Variants in SEMA6D observed in about 807,000 individuals in gnomAD.
SEMA6D encodes the protein semaphorin 6D.
Under a neutral mutation model 106.6 loss-of-function variants are expected in SEMA6D, and 35 were observed. The ratio of observed to expected loss-of-function variants is 0.33; its 90% CI spans 0.25 to 0.44. The LOEUF (loss-of-function observed/expected upper bound fraction) is 0.44. Among genes scored for constraint, SEMA6D ranks in the 20% least tolerant of loss-of-function variants. The probability of loss-of-function intolerance (pLI) is 1.00; values close to 1 mark genes in which losing one functional copy is unlikely to be tolerated. For missense variants in SEMA6D, 1,185 were observed against 1,345.9 expected (o/e 0.88, Z 1.87); for synonymous variants, 499 against 487.7 (o/e 1.02, Z -0.31).
intron 4 of SEMA6D, among the ~76,000 whole-genome samples, chr15:47,693,474 G>A (rs2078632222): frequency 6.6e-6 from 1 of 152,070 alleles, no homozygotes; most frequent in South Asian, 2.1e-4. Context: ...CTAAATATAT[G>A]AAAGTGAAAG....
At position 47,458,129 on chromosome 15, in the gene SEMA6D, A is replaced by G. The variant is rs184022497; in HGVS notation, c.-158-12345A>G. ...GAAATCTAGATCTATACAAAGTAAT[A>G]AATAACACTGAGAATGTTAAAATTG... On this transcript the variant is annotated intron_variant, in intron 2 of 19. Coordinates refer to the SEMA6D transcript ENST00000558014. 1.5e-3 allele frequency among the ~76,000 whole-genome samples: 223 copies of G among 152,130 alleles called. 1 individual carries two copies. Among genetic ancestry groups the G allele is most frequent in the Non-Finnish European group, 2.5e-3 (171 of 67,932 alleles).
At chr15:47,354,207 A>G (rs1196482316) in intron 1 of SEMA6D, among the ~76,000 whole-genome samples, 3 of 48,224 alleles carry the variant, frequency 6.2e-5, no homozygotes, top group African/African-American at 1.1e-4. Context: ...CTCTATATAT[A>G]TATATATATA....
At chr15:47,732,468 A>G (rs1318749370) in intron 1 of SEMA6D, among the ~76,000 whole-genome samples, 1 of 152,124 alleles carries the variant, frequency 6.6e-6, no homozygotes, top group African/African-American at 2.4e-5. Flanking sequence ...CCGGGCTCTC[A>G]TTGGATAACA....
intron 4 of SEMA6D, among the ~76,000 whole-genome samples, chr15:47,608,590 T>C (rs2076830480): frequency 1.3e-5 from 2 of 152,166 alleles, no homozygotes; most frequent in African/African-American, 4.8e-5. Context: ...TTTCAAGAAC[T>C]CATAAGCATC....
intron 1 of SEMA6D, among the ~76,000 whole-genome samples, chr15:47,378,206 A>C (rs2039515361): frequency 6.6e-6 from 1 of 152,072 alleles, no homozygotes; most frequent in African/African-American, 2.4e-5. Flanking sequence ...TCAATGTTGA[A>C]GATTGAAAGG....
At chr15:47,356,301 G>C (rs904119076) in intron 1 of SEMA6D, among the ~76,000 whole-genome samples, 8 of 152,180 alleles carry the variant, frequency 5.3e-5, no homozygotes, top group Non-Finnish European at 1.0e-4. Context: ...GAATGAGTAA[G>C]ACAAGAGCTC....
At chr15:47,344,973 C>T (rs1339026329) in intron 1 of SEMA6D, among the ~76,000 whole-genome samples, 1 of 152,096 alleles carries the variant, frequency 6.6e-6, no homozygotes, top group Non-Finnish European at 1.5e-5. Context: ...AAAATGTGCA[C>T]TTCGGAATAA....
At chr15:47,567,142 C>T (rs951147840) in intron 3 of SEMA6D, among the ~76,000 whole-genome samples, 2 of 152,170 alleles carry the variant, frequency 1.3e-5, no homozygotes, top group Non-Finnish European at 2.9e-5. Flanking sequence ...GAGAATTTCC[C>T]ATTGAAGAGT....
intron 1 of SEMA6D, among the ~76,000 whole-genome samples, chr15:47,195,352 C>T (rs1047081058): frequency 1.3e-5 from 2 of 151,936 alleles, no homozygotes; most frequent in African/African-American, 4.8e-5. Context: ...TTATCTCTGC[C>T]CAGATAAGTC....
At chr15:47,198,664 A>AT (rs886102192) in intron 1 of SEMA6D, among the ~76,000 whole-genome samples, 6 of 151,756 alleles carry the variant, frequency 4.0e-5, no homozygotes, top group East Asian at 3.9e-4. Flanking sequence ...ATTGGATGAG[A>AT]TTTTTTTTTC....
chr15:47,285,051 A>C (rs1207971860), intron 1 of SEMA6D, among the ~76,000 whole-genome samples: 1 of 152,136 alleles, frequency 6.6e-6, no homozygotes, highest in African/African-American at 2.4e-5. Flanking sequence ...ATTACTTTTA[A>C]ACTTTTCTTC....
chr15:47,453,959 G>A (rs747620716), intron 2 of SEMA6D, among the ~76,000 whole-genome samples: 6 of 151,862 alleles, frequency 4.0e-5, no homozygotes, highest in Non-Finnish European at 8.8e-5. Context: ...TGAATCTGAC[G>A]CCCCAATGAT....
chr15:47,455,831 C>A (rs1323141094), intron 2 of SEMA6D, among the ~76,000 whole-genome samples: 1 of 151,826 alleles, frequency 6.6e-6, no homozygotes, highest in Non-Finnish European at 1.5e-5. Flanking sequence ...GGCTTCAAGA[C>A]CCTGGGAGAG....
intron 1 of SEMA6D, among the ~76,000 whole-genome samples, chr15:47,326,725 TC>T: frequency 6.6e-6 from 1 of 152,362 alleles, no homozygotes; most frequent in Non-Finnish European, 1.5e-5. Context: ...GTCAGTGACT[TC>T]CTTAGAAGTA....
intron 3 of SEMA6D, among the ~76,000 whole-genome samples, chr15:47,543,590 G>C (rs2045425004): frequency 6.6e-6 from 1 of 151,984 alleles, no homozygotes; most frequent in Non-Finnish European, 1.5e-5. Context: ...ACTAATACAA[G>C]GAGTTAAAGG....
chr15:47,390,693 A>C (rs900501225), intron 1 of SEMA6D, among the ~76,000 whole-genome samples: 2 of 152,200 alleles, frequency 1.3e-5, no homozygotes, highest in African/African-American at 4.8e-5. Context: ...ATTTTAACTT[A>C]AATATCGATT....
At position 47,416,778 on chromosome 15, in the gene SEMA6D, A is replaced by G. The variant is rs764157330; in HGVS notation, c.-159+4306A>G. 2.1e-3 allele frequency among the ~76,000 whole-genome samples: 316 copies of G among 152,146 alleles called. 1 individual carries two copies. Among genetic ancestry groups the G allele is most frequent in the Non-Finnish European group, 3.7e-3 (249 of 67,988 alleles). On this transcript the variant is annotated intron_variant, in intron 2 of 19. Transcript: ENST00000558014. ...TAGTAGGGTCTCTAAAATCTCAGCT[A>G]TTTTTATTAGCGTTTTGTGAAGCTT...
intron 2 of SEMA6D, among the ~76,000 whole-genome samples, chr15:47,424,996 G>A (rs1167894844): frequency 6.6e-6 from 1 of 152,058 alleles, no homozygotes; most frequent in Non-Finnish European, 1.5e-5. Flanking sequence ...TCTGGGACAA[G>A]GTTCCTCTGA....
intron 3 of SEMA6D, among the ~76,000 whole-genome samples, chr15:47,502,945 T>G (rs1004670515): frequency 2.0e-5 from 3 of 152,226 alleles, no homozygotes; most frequent in African/African-American, 7.2e-5. Flanking sequence ...TCATTTTTGT[T>G]TAAAGCCTGG....
Sources: gnomAD v4.1 joint callset for allele counts (sites outside exome capture counted in the v4.1 genomes callset) on GRCh38, gnomAD v4.1.1 for gene constraint, MANE v1.5 for transcripts, NCBI Gene and HGNC (gene_info 2026-07-23, HGNC 2026-07-21) for gene names.